Variants in SOX6 observed in about 807,000 individuals in gnomAD.
The protein encoded by SOX6 is transcription factor SOX-6.
In SOX6, 11 loss-of-function variants were observed where a neutral mutation model predicts 97.8. The observed-to-expected ratio is 0.11, with a 90% CI of 0.07 to 0.19. The LOEUF is 0.19. Among genes scored for constraint, SOX6 ranks in the 10% least tolerant of loss-of-function variants. The probability of loss-of-function intolerance (pLI) is 1.00; values close to 1 mark genes in which losing one functional copy is unlikely to be tolerated. For missense variants in SOX6, 810 were observed against 1,039.5 expected, an observed-to-expected ratio of 0.78 and a Z score of 3.04; for synonymous variants, 360 against 371.4, an observed-to-expected ratio of 0.97 and a Z score of 0.35.
At position 16,613,978 on chromosome 11, in the gene SOX6, G is replaced by T. The variant is rs1848435498; in HGVS notation, n.430-1718C>A. On this transcript the variant is annotated intron_variant and non_coding_transcript_variant, in intron 3 of 5. Transcript: ENST00000524520. This position sits in a 1 kb window ranked among gnomAD's most constrained non-coding sequence, Gnocchi z 4.6. The stretch of plus-strand genomic sequence containing the variant: ...GGGCGGGCGGGCCACGCTAGGCGCC[G>T]TCTGCCCTCAGAGACTCGGGCTGAC... Among the ~76,000 whole-genome samples the T allele has an allele frequency of 6.6e-6, 1 of 152,202 alleles. No homozygotes were observed. Among genetic ancestry groups the T allele is most frequent in the Admixed American group, 6.5e-5 (1 of 15,286 alleles).
At chr11:16,322,967 T>G (rs1363511425) in intron 2 of SOX6, among the ~76,000 whole-genome samples, 1 of 152,154 alleles carries the variant, frequency 6.6e-6, no homozygotes, top group East Asian at 1.9e-4. Flanking sequence ...ACTAAACACA[T>G]GAACATCACA....
At position 16,524,703 on chromosome 11, in the gene SOX6, C is replaced by A. The variant is rs1356761476; in HGVS notation, n.610-48315G>T. Among the ~76,000 whole-genome samples the A allele has an allele frequency of 2.6e-5, 4 of 152,120 alleles. No homozygotes were observed. In the East Asian group the frequency reaches 7.7e-4, roughly 29 times the overall value. ...GAGGAAGTCAAATTGTCCCCGTTTG[C>A]AGATGACATGATTGTATATCTAGAA... On this transcript the variant is annotated intron_variant and non_coding_transcript_variant, in intron 4 of 5. Transcript: ENST00000524520.
At chr11:16,628,390 G>A (rs768812285) in intron 3 of SOX6, among the ~76,000 whole-genome samples, 34 of 152,086 alleles carry the variant, frequency 2.2e-4, no homozygotes, top group Non-Finnish European at 3.7e-4. Flanking sequence ...TTAGGAGGCC[G>A]AGGTGGGTGG....
At chr11:16,472,831 T>C (rs1439287297) in intron 1 of SOX6, among the ~76,000 whole-genome samples, 1 of 152,094 alleles carries the variant, frequency 6.6e-6, no homozygotes, top group East Asian at 1.9e-4. Flanking sequence ...TTCCTAGAAG[T>C]ATATTCTTTA....
chr11:16,104,664 A>C (rs1395355810), intron 7 of SOX6, among the ~76,000 whole-genome samples: 4 of 151,874 alleles, frequency 2.6e-5, no homozygotes, highest in Non-Finnish European at 5.9e-5. Flanking sequence ...ACACACACAC[A>C]TACACAGGTT....
At chr11:16,049,652 T>C in intron 11 of SOX6, 103 bp downstream of exon 11, 1 of 1,350,280 alleles carries the variant, frequency 7.4e-7, no homozygotes, top group East Asian at 2.3e-5. Context: ...TATTATCTTT[T>C]ACTAAGGAGC....
intron 9 of SOX6, among the ~76,000 whole-genome samples, chr11:16,075,349 T>C (rs988721485): frequency 2.4e-4 from 37 of 151,704 alleles, no homozygotes; most frequent in African/African-American, 8.7e-4. Context: ...GGCAAAAGAG[T>C]GTGCGCATGA....
At chr11:16,270,824 A>T (rs1271613567) in intron 3 of SOX6, among the ~76,000 whole-genome samples, 1 of 151,492 alleles carries the variant, frequency 6.6e-6, no homozygotes, top group East Asian at 1.9e-4. Flanking sequence ...AAGTAGATTC[A>T]TAGAGACAGA....
At chr11:16,552,471 T>G (rs377756615) in intron 4 of SOX6, among the ~76,000 whole-genome samples, 3 of 152,310 alleles carry the variant, frequency 2.0e-5, no homozygotes, top group East Asian at 3.9e-4. Flanking sequence ...TTTCTTTTGT[T>G]TGGAATCTAT....
chr11:16,095,252 G>C (rs987030029), intron 9 of SOX6, among the ~76,000 whole-genome samples: 9 of 151,750 alleles, frequency 5.9e-5, no homozygotes, highest in Admixed American at 5.3e-4. Flanking sequence ...GAGGGACCCC[G>C]GTGAGGCAGA....
chr11:16,392,788 C>A (rs1459211289), intron 1 of SOX6, among the ~76,000 whole-genome samples: 1 of 151,914 alleles, frequency 6.6e-6, no homozygotes, highest in African/African-American at 2.4e-5. Context: ...TATTCATATG[C>A]TTGAGCAACC....
At chr11:16,686,315 C>A (rs1330863886) in intron 3 of SOX6, among the ~76,000 whole-genome samples, 1 of 152,204 alleles carries the variant, frequency 6.6e-6, no homozygotes, top group Non-Finnish European at 1.5e-5. Context: ...TTATGCTCTG[C>A]TTCCCTTTTC....
chr11:16,263,372 A>G (rs925339092), intron 3 of SOX6, among the ~76,000 whole-genome samples: 2 of 151,948 alleles, frequency 1.3e-5, no homozygotes, highest in African/African-American at 2.4e-5. Context: ...AGGAGTAATT[A>G]TATGCAGCTT....
intron 4 of SOX6, among the ~76,000 whole-genome samples, chr11:16,482,123 G>A (rs1244042537): frequency 7.0e-6 from 1 of 142,630 alleles, no homozygotes; most frequent in Non-Finnish European, 1.5e-5. Flanking sequence ...CAGATAGGTA[G>A]TTAGAAAGAG....
At chr11:16,705,374 C>T (rs1317279122) in intron 3 of SOX6, among the ~76,000 whole-genome samples, 1 of 152,074 alleles carries the variant, frequency 6.6e-6, no homozygotes, top group Non-Finnish European at 1.5e-5. Context: ...CCTGTAATCC[C>T]AATACTTTGG....
rs114606161 is a variant in SOX6 at position 16,591,261 on chromosome 11, G to A, written n.609+20820C>T. 6.2e-3 allele frequency among the ~76,000 whole-genome samples: 943 copies of A among 151,968 alleles called. 13 individuals carry two copies. Among genetic ancestry groups the A allele is most frequent in the African/African-American group, 0.021 (855 of 41,430 alleles). On this transcript the variant is annotated intron_variant and non_coding_transcript_variant, in intron 4 of 5. Coordinates refer to the SOX6 transcript ENST00000524520. Reference sequence around the variant, plus strand: ...CAAATGTGCTGAACTTTCATGTGATGACAAGAAGCTGTGAGTGTGTGTTAC... The same window carrying A: ...CAAATGTGCTGAACTTTCATGTGATAACAAGAAGCTGTGAGTGTGTGTTAC...
intron 1 of SOX6, among the ~76,000 whole-genome samples, chr11:16,388,449 T>C (rs973018529): frequency 1.8e-4 from 28 of 152,132 alleles, no homozygotes; most frequent in Admixed American, 1.7e-3. Context: ...AATTGTTCTA[T>C]TTTTTGAAAG....
chr11:16,038,022 A>AT (rs916676876), intron 12 of SOX6, among the ~76,000 whole-genome samples: 7 of 152,192 alleles, frequency 4.6e-5, no homozygotes, highest in Admixed American at 3.9e-4. Context: ...AAATATTAAA[A>AT]TTTTTTTTAA....
chr11:16,209,390 C>A (rs1852158229), intron 4 of SOX6, among the ~76,000 whole-genome samples: 1 of 152,090 alleles, frequency 6.6e-6, no homozygotes, highest in Admixed American at 6.6e-5. Context: ...TCTATGCAAA[C>A]TGAGTTAACT....
Sources: allele counts gnomAD v4.1 joint callset (sites outside exome capture counted in the v4.1 genomes callset), GRCh38; gene constraint gnomAD v4.1.1; non-coding constraint Gnocchi (gnomAD v3.1); transcripts MANE v1.5; gene names NCBI Gene and HGNC (gene_info 2026-07-23, HGNC 2026-07-21).